The following CDH13 variants were observed in gnomAD, a reference collection of about 807,000 sequenced individuals.
CDH13 encodes the protein cadherin-13.
CDH13 carries 24 observed loss-of-function variants against 63.8 expected under a neutral mutation model. The ratio of observed to expected loss-of-function variants is 0.38; its 90% CI spans 0.27 to 0.53. CDH13 has a LOEUF of 0.53. CDH13 is among the 20% of genes least tolerant of loss of function. The pLI is 0.85. For missense variants in CDH13, 1,049 were observed against 903.1 expected (o/e 1.16, Z -2.07); for synonymous variants, 503 against 355.3 (o/e 1.42, Z -4.67).
intron 7 of CDH13, among the ~76,000 whole-genome samples, chr16:83,531,806 G>C (rs2075089785): frequency 6.6e-6 from 1 of 152,160 alleles, no homozygotes; most frequent in Admixed American, 6.6e-5. Flanking sequence ...ACAGTGAAAT[G>C]GATTTTGGAC....
intron 5 of CDH13, among the ~76,000 whole-genome samples, chr16:83,244,796 T>C (rs144691018): frequency 6.6e-5 from 10 of 152,242 alleles, no homozygotes; most frequent in Admixed American, 3.3e-4. Flanking sequence ...GGAGAAATAG[T>C]GACAACGAGT....
intron 6 of CDH13, among the ~76,000 whole-genome samples, chr16:83,453,866 C>A (rs17216786): frequency 0.052 from 7,938 of 152,296 alleles, 247 homozygotes; most frequent in Middle Eastern, 0.11. Context: ...TGATAATGAC[C>A]CTGCCTTTGT....
At chr16:83,074,759 C>G (rs191047533) in intron 3 of CDH13, among the ~76,000 whole-genome samples, 58 of 152,278 alleles carry the variant, frequency 3.8e-4, no homozygotes, top group Non-Finnish European at 6.8e-4. Flanking sequence ...ATTACCAGCT[C>G]CATTTGCAGA....
At chr16:83,393,537 G>C (rs1243389201) in intron 6 of CDH13, among the ~76,000 whole-genome samples, 2 of 152,194 alleles carry the variant, frequency 1.3e-5, no homozygotes, top group African/African-American at 2.4e-5. Flanking sequence ...AACCAGGGCA[G>C]CTGCTAAGCC....
At chr16:83,469,056 C>G (rs1056717810) in intron 6 of CDH13, among the ~76,000 whole-genome samples, 1 of 152,144 alleles carries the variant, frequency 6.6e-6, no homozygotes, top group Non-Finnish European at 1.5e-5. Context: ...CTGCTGAGGT[C>G]AGACTTTTAG....
At chr16:83,414,772 A>G (rs1381118900) in intron 6 of CDH13, among the ~76,000 whole-genome samples, 1 of 152,222 alleles carries the variant, frequency 6.6e-6, no homozygotes. Context: ...AGGTTGAATC[A>G]TATTTTATTC....
At chr16:83,323,347 T>C (rs2090283921) in intron 5 of CDH13, among the ~76,000 whole-genome samples, 1 of 151,182 alleles carries the variant, frequency 6.6e-6, no homozygotes, top group Non-Finnish European at 1.5e-5. Context: ...ACGATCTTAG[T>C]TCACTGCAAG....
intron 5 of CDH13, among the ~76,000 whole-genome samples, chr16:83,228,688 G>A (rs970539816): frequency 3.9e-5 from 6 of 152,206 alleles, no homozygotes; most frequent in Admixed American, 6.5e-5. Flanking sequence ...AGCGGAGTGC[G>A]TGCAGTTTAG....
rs557805312 is a variant in CDH13 at position 82,794,380 on chromosome 16, C to T, written c.46-63982C>T. The stretch of plus-strand genomic sequence containing the variant: ...ACACTTTAAATCAGGTTTAAATCAT[C>T]TGAACATCAGAAAGGAATTTTTTTT... On this transcript the variant is annotated intron_variant, in intron 1 of 13. Coordinates refer to ENST00000567109, the MANE Select transcript of CDH13 (RefSeq NM_001257.5). Among the ~76,000 whole-genome samples, 9 of 111,012 alleles carry T rather than the reference C, an allele frequency of 8.1e-5. No individual in the cohort carries two copies. The East Asian group carries it at 1.7e-3, about 21-fold the overall frequency. The allele number at this position is 111,012 out of a possible 152,430, so 72.8% of individuals were successfully genotyped here. A position where few individuals can be genotyped will look rare whatever the true frequency, so the allele number is the denominator to read the frequency against.
chr16:83,236,890 T>C (rs2040160535), intron 5 of CDH13, among the ~76,000 whole-genome samples: 1 of 151,866 alleles, frequency 6.6e-6, no homozygotes. Context: ...TAGACAGAGG[T>C]GGTGGTTCTA....
chr16:82,729,885 A>T (rs1242134889), intron 1 of CDH13, among the ~76,000 whole-genome samples: 2 of 152,218 alleles, frequency 1.3e-5, no homozygotes, highest in Non-Finnish European at 2.9e-5. Context: ...TCTCTACATC[A>T]GCTCTTGCTG....
Position 83,439,861 on chromosome 16 carries a change from C to T in CDH13, c.782-46616C>T, listed in dbSNP as rs76474854. 3.0e-3 allele frequency among the ~76,000 whole-genome samples: 456 copies of T among 152,276 alleles called. 5 individuals carry two copies. The highest frequency in any genetic ancestry group is 0.011 in the African/African-American group (447 of 41,562). On this transcript the variant is annotated intron_variant, in intron 6 of 13. Transcript: ENST00000567109. ...ATTCATATATTTAGTGAGTAGAGTACTGTCAATCCTTGGTGTCCTTTCTCT... is the reference window on the plus strand; with the variant it reads ...ATTCATATATTTAGTGAGTAGAGTATTGTCAATCCTTGGTGTCCTTTCTCT...
At chr16:83,108,105 G>T (rs190934017) in intron 3 of CDH13, among the ~76,000 whole-genome samples, 141 of 152,224 alleles carry the variant, frequency 9.3e-4, no homozygotes, top group Non-Finnish European at 1.3e-3. Context: ...ACAGACATGA[G>T]CCACCGCGCC....
At chr16:82,964,438 C>A (rs1460127407) in intron 2 of CDH13, among the ~76,000 whole-genome samples, 12 of 152,200 alleles carry the variant, frequency 7.9e-5, no homozygotes, top group Admixed American at 2.6e-4. Context: ...CAGACAGCGG[C>A]TTAGCCCATT....
intron 4 of CDH13, among the ~76,000 whole-genome samples, chr16:83,191,954 G>GT (rs2038729596): frequency 6.6e-6 from 1 of 152,092 alleles, no homozygotes; most frequent in African/African-American, 2.4e-5. Flanking sequence ...TTGAGGCTCA[G>GT]TATTAACCAA....
chr16:83,102,798 T>C (rs1014074621), intron 3 of CDH13, among the ~76,000 whole-genome samples: 1 of 151,946 alleles, frequency 6.6e-6, no homozygotes, highest in Non-Finnish European at 1.5e-5. Context: ...GAAATAGTTA[T>C]ATTGTGAATG....
At chr16:83,229,387 A>G (rs952370238) in intron 5 of CDH13, among the ~76,000 whole-genome samples, 4 of 152,172 alleles carry the variant, frequency 2.6e-5, no homozygotes, top group Non-Finnish European at 5.9e-5. Flanking sequence ...TTAATTCACA[A>G]GTAGAGGGTT....
At position 83,195,226 on chromosome 16, in the gene CDH13, T is replaced by C. The variant is rs142888861; in HGVS notation, c.484-22119T>C. On this transcript the variant is annotated intron_variant, in intron 4 of 13. Coordinates refer to ENST00000567109, the MANE Select transcript of CDH13 (RefSeq NM_001257.5). ...ATGATGGTATATCTGTCTTAAATATTGCATAGCTAAACAAAAGGAGCTGGT... is the reference window on the plus strand; with the variant it reads ...ATGATGGTATATCTGTCTTAAATATCGCATAGCTAAACAAAAGGAGCTGGT... Among the ~76,000 whole-genome samples, 13 of 152,320 alleles carry C rather than the reference T, an allele frequency of 8.5e-5. No individual in the cohort carries two copies. The East Asian group carries it at 2.5e-3, about 29-fold the overall frequency.
At chr16:82,718,289 T>C (rs1470051006) in intron 1 of CDH13, among the ~76,000 whole-genome samples, 1 of 152,142 alleles carries the variant, frequency 6.6e-6, no homozygotes, top group Non-Finnish European at 1.5e-5. Context: ...CCTTCTATTA[T>C]TGGTTGAGTC....
Sources: gnomAD v4.1 joint callset for allele counts (sites outside exome capture counted in the v4.1 genomes callset) on GRCh38, gnomAD v4.1.1 for gene constraint, MANE v1.5 for transcripts, NCBI Gene and HGNC (gene_info 2026-07-23, HGNC 2026-07-21) for gene names.